The following HS6ST3 variants were observed in gnomAD, a reference collection of about 807,000 sequenced individuals.
The protein encoded by HS6ST3 is heparan-sulfate 6-O-sulfotransferase 3.
In HS6ST3, 12 loss-of-function variants were observed where a neutral mutation model predicts 36.7. The ratio of observed to expected loss-of-function variants is 0.33; its 90% confidence interval spans 0.21 to 0.53. The LOEUF is 0.53. Ranked by LOEUF, HS6ST3 falls within the 20% of genes least tolerant of loss-of-function variation. The pLI is 0.95. For synonymous variants in HS6ST3, 240 were observed against 257.5 expected (o/e 0.93, Z 0.65); for missense variants, 584 against 640.9 (o/e 0.91, Z 0.96).
chr13:96,253,200 T>C (rs2054615952), intron 1 of HS6ST3, among the ~76,000 whole-genome samples: 1 of 152,002 alleles, frequency 6.6e-6, no homozygotes, highest in Non-Finnish European at 1.5e-5. Flanking sequence ...TGCAGTTGGC[T>C]GTTGAGAACT....
chr13:96,146,181 A>G (rs2054057316), intron 1 of HS6ST3, among the ~76,000 whole-genome samples: 2 of 152,078 alleles, frequency 1.3e-5, no homozygotes, highest in African/African-American at 2.4e-5. Context: ...TTTTTTTCCA[A>G]TTCTGTTAAG....
At chr13:96,419,334 A>G (rs2055550693) in intron 1 of HS6ST3, among the ~76,000 whole-genome samples, 1 of 152,208 alleles carries the variant, frequency 6.6e-6, no homozygotes, top group Non-Finnish European at 1.5e-5. Flanking sequence ...GTAGGGGGGA[A>G]GTAGAATGGC....
intron 1 of HS6ST3, among the ~76,000 whole-genome samples, chr13:96,624,926 A>G (rs1345826865): frequency 6.6e-6 from 1 of 152,122 alleles, no homozygotes; most frequent in African/African-American, 2.4e-5. Flanking sequence ...GTTTTGGTGC[A>G]TGTGATGCAG....
At chr13:96,268,776 CT>C (rs1285554931) in intron 1 of HS6ST3, among the ~76,000 whole-genome samples, 1 of 151,832 alleles carries the variant, frequency 6.6e-6, no homozygotes, top group African/African-American at 2.4e-5. Flanking sequence ...TATATTATAT[CT>C]TGTATTTACA....
intron 1 of HS6ST3, among the ~76,000 whole-genome samples, chr13:96,239,208 C>A (rs542935535): frequency 1.3e-5 from 2 of 152,296 alleles, no homozygotes; most frequent in South Asian, 4.1e-4. Flanking sequence ...AAAGTTTGGG[C>A]ACCTTTCAGG....
intron 1 of HS6ST3, among the ~76,000 whole-genome samples, chr13:96,493,011 C>T (rs892503617): frequency 4.6e-5 from 7 of 152,156 alleles, no homozygotes; most frequent in East Asian, 3.9e-4. Context: ...GACTTTTGAG[C>T]GAGGACAACT....
In HS6ST3 at chr13:96,838,227, G is replaced by T. The variant is rs1283721460; in HGVS notation, c.*5029G>T. On this transcript the variant is annotated 3_prime_UTR_variant, in exon 2 of 2. Transcript: ENST00000376705. ...ACTGAAAAAATAGAAAAATGACTAA[G>T]ATACAGTCTCTGTCCTCTAGAACTA... The T allele has an allele frequency of 6.6e-6, 1 of 152,004 alleles. No homozygotes were observed. The highest frequency in any genetic ancestry group is 1.5e-5 in the Non-Finnish European group (1 of 67,988). The allele number at this position is 152,004 out of a possible 1,614,324, so 9.4% of individuals were successfully genotyped here.
intron 1 of HS6ST3, among the ~76,000 whole-genome samples, chr13:96,303,777 C>T (rs2054894956): frequency 6.6e-6 from 1 of 152,078 alleles, no homozygotes; most frequent in Non-Finnish European, 1.5e-5. Context: ...GATTCTTTTT[C>T]ACTTTGTTTT....
intron 1 of HS6ST3, among the ~76,000 whole-genome samples, chr13:96,187,080 T>C (rs1264697260): frequency 2.6e-5 from 4 of 152,222 alleles, no homozygotes; most frequent in Non-Finnish European, 5.9e-5. Context: ...TTGCCACAAC[T>C]GAGGCACCAA....
At chr13:96,475,861 A>G (rs1253465752) in intron 1 of HS6ST3, among the ~76,000 whole-genome samples, 1 of 152,190 alleles carries the variant, frequency 6.6e-6, no homozygotes, top group Non-Finnish European at 1.5e-5. Flanking sequence ...AATGGAGCTC[A>G]TGATGATTGG....
chr13:96,352,993 A>T (rs1407575153), intron 1 of HS6ST3, among the ~76,000 whole-genome samples: 1 of 151,394 alleles, frequency 6.6e-6, no homozygotes, highest in African/African-American at 2.4e-5. Flanking sequence ...TACAGCACAA[A>T]TCCTTAACTC....
chr13:96,459,318 G>T (rs1296146809), intron 1 of HS6ST3, among the ~76,000 whole-genome samples: 1 of 151,872 alleles, frequency 6.6e-6, no homozygotes, highest in African/African-American at 2.4e-5. Context: ...AAGAAAAAAT[G>T]CTTTATCTTG....
chr13:96,213,568 C>T (rs1213214231), intron 1 of HS6ST3, among the ~76,000 whole-genome samples: 3 of 151,580 alleles, frequency 2.0e-5, no homozygotes, highest in Admixed American at 2.0e-4. Context: ...GTTCTCTTGC[C>T]CAGGCTGGAG....
chr13:96,322,177 C>T (rs1382818198), intron 1 of HS6ST3, among the ~76,000 whole-genome samples: 1 of 152,046 alleles, frequency 6.6e-6, no homozygotes, highest in Non-Finnish European at 1.5e-5. Context: ...AACATTATTC[C>T]AGGATTTTCC....
intron 1 of HS6ST3, among the ~76,000 whole-genome samples, chr13:96,397,634 AT>A (rs1313333430): frequency 6.6e-6 from 1 of 152,210 alleles, no homozygotes; most frequent in African/African-American, 2.4e-5. Context: ...TAGTAGGCTG[AT>A]TTACTGAAGA....
At chr13:96,277,446 A>G (rs1240425601) in intron 1 of HS6ST3, among the ~76,000 whole-genome samples, 4 of 152,210 alleles carry the variant, frequency 2.6e-5, no homozygotes, top group Non-Finnish European at 4.4e-5. Flanking sequence ...GAGCTATATG[A>G]AGGCAGAGAC....
chr13:96,211,147 G>T (rs1290792188), intron 1 of HS6ST3, among the ~76,000 whole-genome samples: 1 of 152,150 alleles, frequency 6.6e-6, no homozygotes, highest in Non-Finnish European at 1.5e-5. Context: ...GGCTAGGCTG[G>T]TCTCGAACTC....
chr13:96,808,308 G>A (rs569024596), intron 1 of HS6ST3, among the ~76,000 whole-genome samples: 1 of 152,282 alleles, frequency 6.6e-6, no homozygotes, highest in South Asian at 2.1e-4. Flanking sequence ...GGCTGGGTGG[G>A]ACCATGTGAC....
chr13:96,457,971 C>T (rs1710889555), intron 1 of HS6ST3, among the ~76,000 whole-genome samples: 1 of 151,914 alleles, frequency 6.6e-6, no homozygotes, highest in African/African-American at 2.4e-5. Flanking sequence ...AGTGGATAAG[C>T]CTCCTATTCT....
Sources: allele counts gnomAD v4.1 joint callset (sites outside exome capture counted in the v4.1 genomes callset), GRCh38; gene constraint gnomAD v4.1.1; transcripts MANE v1.5; gene names NCBI Gene and HGNC (gene_info 2026-07-23, HGNC 2026-07-21).